Variants in HAUS8 observed in about 807,000 individuals in gnomAD.
The protein encoded by HAUS8 is HAUS augmin like complex subunit 8.
Under a neutral mutation model 42.9 loss-of-function variants are expected in HAUS8, and 38 were observed. That is an observed-to-expected ratio of 0.89 (90% confidence interval 0.68 to 1.16). HAUS8 has a LOEUF of 1.16. Ranked by LOEUF, HAUS8 falls within the 50% of genes most tolerant of loss-of-function variation. HAUS8 has a pLI of 0.00. For synonymous variants in HAUS8, 199 were observed against 205.8 expected (o/e 0.97, Z 0.28); for missense variants, 494 against 511.6 (o/e 0.97, Z 0.33).
chr19:17,057,724 C>T (rs1161831874), intron 8 of HAUS8, among the ~76,000 whole-genome samples: 1 of 152,080 alleles, frequency 6.6e-6, no homozygotes, highest in Non-Finnish European at 1.5e-5. Flanking sequence ...GCTGTATCCC[C>T]CCAAATTCAT....
In HAUS8 at chr19:17,049,895, C is replaced by G; in HGVS notation, c.1211G>C (p.Arg404Pro). The change falls in exon 11 of 11, where the codon CGT becomes CCT. Residue 404 changes from arginine to proline, a missense_variant. Coordinates refer to ENST00000253669, the MANE Select transcript of HAUS8 (RefSeq NM_033417.2). ...SQAEVPPSLS[R>P]SGRDLS is the part of the protein sequence containing the mutation. ...GAGTCATGACAAGTCCCTCCCTGAACGAGAGAGAGAGGGCGGGACTTCTGC... is the reference window on the plus strand; with the variant it reads ...GAGTCATGACAAGTCCCTCCCTGAAGGAGAGAGAGAGGGCGGGACTTCTGC... 2 of 1,498,226 alleles carry G rather than the reference C, an allele frequency of 1.3e-6. No homozygotes were observed. The highest frequency in any genetic ancestry group is 1.8e-6 in the Non-Finnish European group (2 of 1,122,554). The allele number at this position is 1,498,226 out of a possible 1,614,324, so 92.8% of individuals were successfully genotyped here.
chr19:17,075,495 G>A, upstream of HAUS8: 1 of 1,555,910 alleles, frequency 6.4e-7, no homozygotes. Flanking sequence ...CTTGCGGGTC[G>A]GACCATTTGT....
intron 2 of HAUS8, among the ~76,000 whole-genome samples, chr19:17,072,569 T>G (rs563149994): frequency 6.6e-6 from 1 of 152,186 alleles, no homozygotes; most frequent in South Asian, 2.1e-4. Context: ...CTTGAACTCT[T>G]GACCTCATGA....
In HAUS8 at chr19:17,070,657, G is replaced by A. The variant is rs185948727; in HGVS notation, c.92-1571C>T. 4.6e-3 allele frequency among the ~76,000 whole-genome samples: 700 copies of A among 152,244 alleles called. 2 individuals carry two copies. The highest frequency in any genetic ancestry group is 7.3e-3 in the Non-Finnish European group (496 of 68,016). ...TCTAGCAACCCCACAGCCTCCTTACGGTTCTCATGCAATGCCCACCTCCTC... is the reference window on the plus strand; with the variant it reads ...TCTAGCAACCCCACAGCCTCCTTACAGTTCTCATGCAATGCCCACCTCCTC... On this transcript the variant is annotated intron_variant, in intron 2 of 10. Coordinates refer to ENST00000253669, the MANE Select transcript of HAUS8 (RefSeq NM_033417.2).
intron 9 of HAUS8, chr19:17,053,365 T>C (rs1200294285): frequency 4.6e-6 from 1 of 217,188 alleles, no homozygotes; most frequent in Non-Finnish European, 9.3e-6. Context: ...CTGCGGGACC[T>C]GTGTCACCTG....
intron 9 of HAUS8, among the ~76,000 whole-genome samples, chr19:17,054,614 C>G (rs1370631875): frequency 6.6e-6 from 1 of 152,028 alleles, no homozygotes; most frequent in East Asian, 1.9e-4. Flanking sequence ...CCAGCCTGAC[C>G]AACATGGAGA....
At chr19:17,075,270 C>A (rs2057463304) in intron 1 of HAUS8, 124 bp downstream of exon 1, 2 of 1,069,438 alleles carry the variant, frequency 1.9e-6, no homozygotes, top group African/African-American at 1.6e-5. Flanking sequence ...TTCAGGGGCC[C>A]GCGCAGTTCC....
intron 6 of HAUS8, among the ~76,000 whole-genome samples, 175 bp from the exon 7 acceptor site, chr19:17,059,051 G>A (rs576251055): frequency 5.9e-5 from 9 of 152,242 alleles, no homozygotes; most frequent in East Asian, 1.9e-4. Flanking sequence ...GGTTTTCTGC[G>A]GCGCTGAGAT....
chr19:17,055,890 T>A lies in HAUS8; in HGVS notation c.758A>T (p.His253Leu). The change falls in exon 9 of 11, where the codon CAC becomes CTC. Residue 253 changes from histidine to leucine, a missense_variant. His to Leu is a moderately conservative substitution (Grantham distance 99). Coordinates refer to ENST00000253669, the MANE Select transcript of HAUS8 (RefSeq NM_033417.2). ...TRHELPVRSIHLEGDGQQLLD... is the reference protein window; with the variant it reads ...TRHELPVRSILLEGDGQQLLD... ...GAGCTGCTGCCCATCTCCCTCCAGG[T>A]GGATGGACCTCACGGGCAGCTCGTG... 6.2e-7 allele frequency: 1 copy of A among 1,613,998 alleles called. No individual in the cohort carries two copies. The highest frequency in any genetic ancestry group is 8.5e-7 in the Non-Finnish European group (1 of 1,179,990).
At chr19:17,075,186 G>C in intron 1 of HAUS8, 2 of 562,854 alleles carry the variant, frequency 3.6e-6, no homozygotes. Flanking sequence ...CGTCCCAGCC[G>C]AGGACGCGGA....
intron 2 of HAUS8, among the ~76,000 whole-genome samples, chr19:17,071,124 G>A (rs1249075303): frequency 6.6e-6 from 1 of 151,518 alleles, no homozygotes; most frequent in Non-Finnish European, 1.5e-5. Flanking sequence ...TCAGAGGTTT[G>A]CCTTTGTACT....
chr19:17,055,878 TCTCC>T lies in HAUS8; in HGVS notation c.766_769del (p.Gly256MetfsTer6), dbSNP rs771663462. 1 of 1,613,842 alleles carries T rather than the reference TCTCC, an allele frequency of 6.2e-7. No homozygotes were observed. Among genetic ancestry groups the T allele is most frequent in the Non-Finnish European group, 8.5e-7 (1 of 1,180,000 alleles). ...TTTCCTACCTAAGAGCTGCTGCCCATCTCCCTCCAGGTGGATGGACCTCACGGGC... is the reference window on the plus strand; with the variant it reads ...TTTCCTACCTAAGAGCTGCTGCCCATCTCCAGGTGGATGGACCTCACGGGC... On this transcript the variant is annotated frameshift_variant, in exon 9 of 11. Transcript: ENST00000253669. LOFTEE classifies it high-confidence loss of function.
Position 17,058,621 on chromosome 19 carries a change from C to T in HAUS8, c.573G>A (p.Lys191=). 2 of 1,613,684 alleles carry T rather than the reference C, an allele frequency of 1.2e-6. No individual in the cohort carries two copies. Among genetic ancestry groups the T allele is most frequent in the Non-Finnish European group, 1.7e-6 (2 of 1,179,868 alleles). The part of the protein sequence containing the change: ...MCKEKEKLQK[K]AHELKRRLLL... ...GAAGCCTGCGCTTCAGCTCGTGGGC[C>T]TTTTTCTGTAGCTTCTCCTTCTCCT... The change falls in exon 8 of 11, where the codon AAG becomes AAA. Residue 191 remains lysine, a synonymous_variant. Coordinates refer to ENST00000253669, the MANE Select transcript of HAUS8 (RefSeq NM_033417.2).
At chr19:17,062,392 G>C (rs1429133098) in intron 4 of HAUS8, among the ~76,000 whole-genome samples, 1 of 152,158 alleles carries the variant, frequency 6.6e-6, no homozygotes, top group Non-Finnish European at 1.5e-5. Context: ...GCCTCTCTAA[G>C]AGTCTTGCTC....
intron 10 of HAUS8, among the ~76,000 whole-genome samples, chr19:17,051,445 A>G (rs2057286775): frequency 6.6e-6 from 1 of 151,782 alleles, no homozygotes; most frequent in African/African-American, 2.4e-5. Context: ...ACGCACAAGG[A>G]TATGTGCTCT....
intron 10 of HAUS8, among the ~76,000 whole-genome samples, chr19:17,051,059 C>T (rs1568632893): frequency 6.6e-6 from 1 of 152,022 alleles, no homozygotes; most frequent in Non-Finnish European, 1.5e-5. Context: ...AATCCTGTCT[C>T]AATAATAATA....
rs369217447 is a variant in HAUS8 at position 17,055,814 on chromosome 19, T to A, written c.787+47A>T. The A allele has an allele frequency of 2.4e-5, 37 of 1,568,816 alleles. 1 individual carries two copies. The highest frequency in any genetic ancestry group is 4.3e-4 in the Middle Eastern group (2 of 4,664). On this transcript the variant is annotated intron_variant, in intron 9 of 10. Transcript: ENST00000253669. ...GCCCACAGGAAGCACCCACACACGCTCCTCGCCCCGCCTGCTGCACACGCA... is the reference window on the plus strand; with the variant it reads ...GCCCACAGGAAGCACCCACACACGCACCTCGCCCCGCCTGCTGCACACGCA...
chr19:17,061,811 T>C (rs1436584274), intron 4 of HAUS8, among the ~76,000 whole-genome samples: 1 of 152,202 alleles, frequency 6.6e-6, no homozygotes, highest in African/African-American at 2.4e-5. Flanking sequence ...GAACTGGTTT[T>C]AAGGTGTGGC....
chr19:17,056,300 G>A (rs1315700162), intron 8 of HAUS8, among the ~76,000 whole-genome samples: 2 of 152,118 alleles, frequency 1.3e-5, no homozygotes, highest in African/African-American at 4.8e-5. Flanking sequence ...CTTCCACAAG[G>A]CCATCCCCGG....
Sources: gnomAD v4.1 joint callset for allele counts (sites outside exome capture counted in the v4.1 genomes callset) on GRCh38, gnomAD v4.1.1 for gene constraint, MANE v1.5 for transcripts, NCBI Gene and HGNC (gene_info 2026-07-23, HGNC 2026-07-21) for gene names.